SPICE1: variants seen among roughly 807,000 people sequenced by gnomAD.
The protein encoded by SPICE1 is spindle and centriole-associated protein 1.
A neutral mutation model predicts 102.7 loss-of-function variants in SPICE1; 75 were observed. The ratio of observed to expected loss-of-function variants is 0.73; its 90% CI spans 0.61 to 0.88. The LOEUF is 0.88. SPICE1 is among the 40% of genes least tolerant of loss of function. The pLI is 0.00. For missense variants in SPICE1, 979 were observed against 1,020.1 expected (o/e 0.96, Z 0.55); for synonymous variants, 308 against 350.3 (o/e 0.88, Z 1.35).
intron 16 of SPICE1, 111 bp from the exon 17 acceptor site, chr3:113,446,787 G>A (rs1935526072): frequency 1.2e-6 from 1 of 826,426 alleles, no homozygotes; most frequent in African/African-American, 1.7e-5. Flanking sequence ...GAAAACATAT[G>A]GCTAACTTAG....
In SPICE1 at chr3:113,468,747, A is replaced by T. The variant is rs1156697166; in HGVS notation, c.889+15T>A. 1.9e-6 allele frequency: 3 copies of T among 1,603,854 alleles called. No individual in the cohort carries two copies. In the African/African-American group the frequency reaches 4.0e-5, roughly 22 times the overall value. ...ACATGTTTAATATTCATCTTTGTAA[A>T]TTAAGGGACTGAACCTTTATTTAAC... On this transcript the variant is annotated intron_variant, in intron 9 of 17. Transcript: ENST00000295872.
intron 14 of SPICE1, among the ~76,000 whole-genome samples, 183 bp downstream of exon 14, chr3:113,453,278 CTTGTA>C (rs950788517): frequency 1.3e-5 from 2 of 152,112 alleles, no homozygotes; most frequent in African/African-American, 2.4e-5. Flanking sequence ...TTTATGCTGT[CTTGTA>C]TTGTATGTAC....
chr3:113,485,216 G>T (rs189591680), intron 7 of SPICE1, among the ~76,000 whole-genome samples: 1 of 148,490 alleles, frequency 6.7e-6, no homozygotes, highest in Admixed American at 6.7e-5. Context: ...CGCCTAGAAC[G>T]CCAGAGAGAC....
chr3:113,508,187 A>G (rs1028672884), intron 1 of SPICE1, among the ~76,000 whole-genome samples: 1 of 152,224 alleles, frequency 6.6e-6, no homozygotes, highest in African/African-American at 2.4e-5. Flanking sequence ...AGAAGAAAAC[A>G]TAAGAGTAAA....
intron 7 of SPICE1, among the ~76,000 whole-genome samples, chr3:113,476,018 T>C (rs1423742051): frequency 3.3e-5 from 5 of 152,216 alleles, no homozygotes; most frequent in African/African-American, 1.2e-4. Context: ...GATGACATGA[T>C]TGTACATCTA....
chr3:113,484,750 T>C (rs1283371255), intron 7 of SPICE1, among the ~76,000 whole-genome samples: 1 of 151,920 alleles, frequency 6.6e-6, no homozygotes, highest in African/African-American at 2.4e-5. Flanking sequence ...AGACTGTTTG[T>C]TATGATTTCC....
chr3:113,513,251 AT>A (rs950390865), intron 1 of SPICE1, among the ~76,000 whole-genome samples: 1 of 151,894 alleles, frequency 6.6e-6, no homozygotes. Context: ...TAAAAAAAAA[AT>A]TTTTTTTAAT....
Position 113,457,376 on chromosome 3 carries a change from T to A in SPICE1, c.1436-19A>T. The A allele has an allele frequency of 1.2e-6, 2 of 1,611,862 alleles. No homozygotes were observed. The highest frequency in any genetic ancestry group is 1.7e-6 in the Non-Finnish European group (2 of 1,178,392). ...GGACGCTCTGAAGAAGATGAGAGGA[T>A]ATTAGTACAATAGGAACAAAAAGAA... On this transcript the variant is annotated intron_variant, in intron 12 of 17. Transcript: ENST00000295872.
chr3:113,464,050 AG>A (rs2107458720), intron 11 of SPICE1, among the ~76,000 whole-genome samples: 1 of 152,046 alleles, frequency 6.6e-6, no homozygotes, highest in East Asian at 1.9e-4. Context: ...CCTGGGGGAC[AG>A]AGTGGGACTC....
At chr3:113,456,503 A>G (rs1406479058) in intron 13 of SPICE1, among the ~76,000 whole-genome samples, 3 of 152,210 alleles carry the variant, frequency 2.0e-5, no homozygotes, top group African/African-American at 7.2e-5. Context: ...CTTCCCAACA[A>G]TGAGGTAGTC....
intron 16 of SPICE1, among the ~76,000 whole-genome samples, chr3:113,446,889 A>T (rs56044072): frequency 0.037 from 5,575 of 152,246 alleles, 186 homozygotes; most frequent in African/African-American, 0.09. Flanking sequence ...CTGTGTCCCC[A>T]CCAAAATCTC....
chr3:113,451,207 G>C (rs1019926093), intron 14 of SPICE1, among the ~76,000 whole-genome samples: 1 of 152,112 alleles, frequency 6.6e-6, no homozygotes, highest in Non-Finnish European at 1.5e-5. Context: ...GCCTCCCCAA[G>C]CCACTTTTGG....
intron 7 of SPICE1, among the ~76,000 whole-genome samples, chr3:113,474,865 C>G (rs1344947465): frequency 6.6e-6 from 1 of 152,048 alleles, no homozygotes; most frequent in Non-Finnish European, 1.5e-5. Flanking sequence ...ACCCTAACAT[C>G]ACAATTAAAA....
chr3:113,474,142 C>A (rs2107471960), intron 7 of SPICE1, among the ~76,000 whole-genome samples: 1 of 151,534 alleles, frequency 6.6e-6, no homozygotes, highest in East Asian at 1.9e-4. Context: ...CAATCCTAGT[C>A]TCTGATAAAA....
intron 3 of SPICE1, 117 bp downstream of exon 3, chr3:113,503,063 G>A (rs1363337431): frequency 6.7e-6 from 7 of 1,050,010 alleles, no homozygotes; most frequent in Non-Finnish European, 8.4e-6. Context: ...ACATAAACAA[G>A]ATTAAACATA....
chr3:113,504,127 A>T (rs1937062609), intron 2 of SPICE1, among the ~76,000 whole-genome samples: 1 of 152,066 alleles, frequency 6.6e-6, no homozygotes, highest in African/African-American at 2.4e-5. Context: ...ACCCTGCACA[A>T]CTCCATAAGT....
At chr3:113,502,145 G>A (rs1164491662) in intron 3 of SPICE1, among the ~76,000 whole-genome samples, 1 of 152,166 alleles carries the variant, frequency 6.6e-6, no homozygotes, top group African/African-American at 2.4e-5. Context: ...GGAGGCTGAG[G>A]TGGGCAGATT....
At chr3:113,467,028 G>A (rs115276130) in intron 10 of SPICE1, among the ~76,000 whole-genome samples, 3,476 of 152,112 alleles carry the variant, frequency 0.023, 53 homozygotes, top group Non-Finnish European at 0.036. Context: ...CCCTAGCCTG[G>A]GCAACAGAAT....
intron 11 of SPICE1, among the ~76,000 whole-genome samples, chr3:113,463,384 T>C (rs9825827): frequency 0.23 from 34,256 of 152,196 alleles, 4,433 homozygotes; most frequent in African/African-American, 0.36. Flanking sequence ...CAACAAAGAT[T>C]TGTTAAGTAA....
Sources: allele counts gnomAD v4.1 joint callset (sites outside exome capture counted in the v4.1 genomes callset), GRCh38; gene constraint gnomAD v4.1.1; transcripts MANE v1.5; gene names NCBI Gene and HGNC (gene_info 2026-07-23, HGNC 2026-07-21).